The following NRDC variants were observed in gnomAD, a reference collection of about 807,000 sequenced individuals.
The protein encoded by NRDC is nardilysin convertase.
In NRDC, 54 loss-of-function variants were observed where a neutral mutation model predicts 147.1. That is an observed-to-expected ratio of 0.37 (90% CI 0.29 to 0.46). The LOEUF is 0.46. Among genes scored for constraint, NRDC ranks in the 20% least tolerant of loss-of-function variants. NRDC has a pLI of 1.00. For missense variants in NRDC, 1,082 were observed against 1,370.6 expected (o/e 0.79, Z 3.33); for synonymous variants, 440 against 482.1 (o/e 0.91, Z 1.14).
intron 2 of NRDC, chr1:51,836,517 G>C: frequency 7.9e-7 from 1 of 1,271,076 alleles, no homozygotes; most frequent in South Asian, 1.3e-5. Context: ...TTTCATGTCA[G>C]CATTTCATAA....
chr1:51,877,899 T>C, intron 1 of NRDC: 1 of 494,158 alleles, frequency 2.0e-6, no homozygotes, highest in Middle Eastern at 8.6e-4. Context: ...AGTGATAATA[T>C]GCCCCTTAAA....
At chr1:51,873,624 C>T (rs1411078817) in intron 1 of NRDC, among the ~76,000 whole-genome samples, 1 of 151,738 alleles carries the variant, frequency 6.6e-6, no homozygotes, top group Non-Finnish European at 1.5e-5. Flanking sequence ...GATTCCCCTG[C>T]CTCTGCCTCC....
intron 1 of NRDC, among the ~76,000 whole-genome samples, chr1:51,846,694 C>G (rs1357491127): frequency 2.6e-5 from 4 of 152,248 alleles, no homozygotes; most frequent in African/African-American, 9.6e-5. Context: ...AAAGTGAACA[C>G]CAACAAGATT....
chr1:51,813,945 T>C, intron 14 of NRDC, 90 bp downstream of exon 14: 1 of 868,410 alleles, frequency 1.2e-6, no homozygotes, highest in Non-Finnish European at 1.9e-6. Flanking sequence ...GAATTAAAAC[T>C]CCACCGACAC....
chr1:51,863,011 A>AGG (rs1381482899), intron 1 of NRDC, among the ~76,000 whole-genome samples: 1 of 58,672 alleles, frequency 1.7e-5, no homozygotes, highest in Non-Finnish European at 3.4e-5. Flanking sequence ...CTCTGTGTGG[A>AGG]GGAAAAAAAA....
intron 4 of NRDC, among the ~76,000 whole-genome samples, chr1:51,832,295 C>T (rs143351436): frequency 7.9e-5 from 12 of 152,250 alleles, no homozygotes; most frequent in African/African-American, 2.9e-4. Context: ...TATCCGCCCA[C>T]CTCGGCCCCC....
chr1:51,829,205 AGGCATGTACCATCATG>A (rs1473752921), intron 4 of NRDC, among the ~76,000 whole-genome samples: 1 of 152,170 alleles, frequency 6.6e-6, no homozygotes, highest in Admixed American at 6.5e-5. Context: ...CTGAGGCTAC[AGGCATGTACCATCATG>A]CCCTGCTAAT....
chr1:51,818,188 T>A, intron 9 of NRDC, 53 bp from the exon 10 acceptor site: 1 of 1,175,648 alleles, frequency 8.5e-7, no homozygotes, highest in Non-Finnish European at 1.2e-6. Flanking sequence ...TCTATGACTT[T>A]TACTACAAGA....
At chr1:51,818,568 G>A (rs1680074331) in intron 9 of NRDC, among the ~76,000 whole-genome samples, 1 of 152,118 alleles carries the variant, frequency 6.6e-6, no homozygotes. Context: ...GTATCTCTAG[G>A]ATTCTTCTCA....
chr1:51,807,481 AG>A (rs1259800612), intron 17 of NRDC, among the ~76,000 whole-genome samples: 1 of 152,186 alleles, frequency 6.6e-6, no homozygotes, highest in Non-Finnish European at 1.5e-5. Flanking sequence ...CTGAAGCAGG[AG>A]GATCACTTGA....
chr1:51,791,151 CTT>C (rs1354537809), intron 27 of NRDC, among the ~76,000 whole-genome samples, 161 bp from the exon 28 acceptor site: 1 of 152,166 alleles, frequency 6.6e-6, no homozygotes, highest in South Asian at 2.1e-4. Context: ...TTCCACCTGA[CTT>C]TGAGGACAGA....
At position 51,798,402 on chromosome 1, in the gene NRDC, C is replaced by T; in HGVS notation, c.2451G>A (p.Arg817=). The T allele has an allele frequency of 6.2e-7, 1 of 1,613,654 alleles. No homozygotes were observed. Among genetic ancestry groups the T allele is most frequent in the South Asian group, 1.1e-5 (1 of 91,060 alleles). ...IKPETLAKDV[R]LLILEYARWS... The stretch of plus-strand genomic sequence containing the variant: ...AACGGGCATATTCCAAGATTAAAAG[C>T]CGTACATCTCTGTACAGAGGGCAGA... Residue 817 remains arginine, a synonymous_variant, in exon 22 of 31, where the codon CGG becomes CGA. Transcript: ENST00000352171.
At chr1:51,837,665 C>T in intron 2 of NRDC, 1 of 1,440,594 alleles carries the variant, frequency 6.9e-7, no homozygotes, top group Non-Finnish European at 9.3e-7. Flanking sequence ...CTAAAAAATT[C>T]AGACCTGAGA....
intron 14 of NRDC, 85 bp from the exon 15 acceptor site, chr1:51,812,183 C>T: frequency 3.1e-6 from 3 of 965,770 alleles, no homozygotes; most frequent in African/African-American, 3.3e-5. Context: ...TTCTCCCTTT[C>T]TTATTAACAA....
At chr1:51,856,821 G>A (rs1228627913) in intron 1 of NRDC, among the ~76,000 whole-genome samples, 4 of 152,152 alleles carry the variant, frequency 2.6e-5, no homozygotes. Context: ...GGGCAGATGA[G>A]AGATGGATAG....
chr1:51,790,881 A>G lies in NRDC; in HGVS notation c.3051+19T>C. The G allele has an allele frequency of 6.3e-7, 1 of 1,599,882 alleles. No homozygotes were observed. The highest frequency in any genetic ancestry group is 8.6e-7 in the Non-Finnish European group (1 of 1,169,350). On this transcript the variant is annotated intron_variant, in intron 28 of 30. Transcript: ENST00000352171. ...GCTTGTGTGGGCCAAAGGCCAAAAG[A>G]CCAGGCTGGCACAGTCACCTGGGTG...
intron 18 of NRDC, among the ~76,000 whole-genome samples, chr1:51,806,485 A>G (rs1008953389): frequency 1.3e-5 from 2 of 152,212 alleles, no homozygotes; most frequent in Admixed American, 6.5e-5. Context: ...CTGTGACAGC[A>G]TAGGAGGACA....
intron 3 of NRDC, among the ~76,000 whole-genome samples, chr1:51,835,283 A>T (rs561053995): frequency 6.6e-6 from 1 of 151,588 alleles, no homozygotes; most frequent in African/African-American, 2.4e-5. Context: ...CTGGTCTCGA[A>T]CTCCTGACCT....
intron 1 of NRDC, among the ~76,000 whole-genome samples, chr1:51,864,829 G>C (rs12086540): frequency 3.3e-5 from 5 of 151,644 alleles, no homozygotes; most frequent in African/African-American, 1.2e-4. Context: ...GTGCATGCCT[G>C]TAGTTCCAGC....
Sources: gnomAD v4.1 joint callset for allele counts (sites outside exome capture counted in the v4.1 genomes callset) on GRCh38, gnomAD v4.1.1 for gene constraint, MANE v1.5 for transcripts, NCBI Gene and HGNC (gene_info 2026-07-23, HGNC 2026-07-21) for gene names.